POC5: variants seen among roughly 807,000 people sequenced by gnomAD.
POC5 encodes the protein centrosomal protein POC5.
Under a neutral mutation model 62.9 loss-of-function variants are expected in POC5, and 48 were observed. That is an observed-to-expected ratio of 0.76 (90% CI 0.61 to 0.97). POC5 has a LOEUF of 0.97. Ranked by LOEUF, POC5 falls within the 50% of genes least tolerant of loss-of-function variation. The probability of loss-of-function intolerance (pLI) is 0.00; values close to 1 mark genes in which losing one functional copy is unlikely to be tolerated. For missense variants in POC5, 696 were observed against 679.5 expected (o/e 1.02, Z -0.27); for synonymous variants, 236 against 228.2 (o/e 1.03, Z -0.31).
intron 1 of POC5, among the ~76,000 whole-genome samples, chr5:75,717,078 A>G (rs1394301070): frequency 1.3e-5 from 2 of 152,204 alleles, no homozygotes; most frequent in Non-Finnish European, 2.9e-5. Flanking sequence ...AAGTGACCGG[A>G]ACCTCTGATG....
intron 5 of POC5, among the ~76,000 whole-genome samples, chr5:75,699,080 C>T (rs894236924): frequency 1.4e-4 from 21 of 152,250 alleles, no homozygotes; most frequent in Non-Finnish European, 2.6e-4. Context: ...TAATCAATAG[C>T]TTACCAATGA....
intron 5 of POC5, among the ~76,000 whole-genome samples, chr5:75,700,251 G>C (rs1309572682): frequency 6.6e-6 from 1 of 151,796 alleles, no homozygotes; most frequent in Non-Finnish European, 1.5e-5. Context: ...AAAAGAGCCC[G>C]CATCACCAAG....
intron 8 of POC5, among the ~76,000 whole-genome samples, chr5:75,689,920 C>T: frequency 6.6e-6 from 1 of 152,116 alleles, no homozygotes; most frequent in Non-Finnish European, 1.5e-5. Context: ...GATTTCTGCT[C>T]TTGTTGCCTA....
At chr5:75,703,099 A>G (rs1238422390) in intron 4 of POC5, among the ~76,000 whole-genome samples, 1 of 152,208 alleles carries the variant, frequency 6.6e-6, no homozygotes, top group East Asian at 1.9e-4. Context: ...CTGAGGTGAA[A>G]CTATCATCAT....
At chr5:75,715,302 T>A in intron 1 of POC5, among the ~76,000 whole-genome samples, 1 of 111,586 alleles carries the variant, frequency 9.0e-6, no homozygotes, top group Admixed American at 1.1e-4. Context: ...AGAGTGAGAC[T>A]CCGTCTCAAA....
rs537966424 is a variant in POC5 at position 75,686,226 on chromosome 5, C to T, written c.1130-742G>A. Among the ~76,000 whole-genome samples, 9 of 152,240 alleles carry T rather than the reference C, an allele frequency of 5.9e-5. No homozygotes were observed. The South Asian group carries it at 1.0e-3, about 18-fold the overall frequency. ...GGTTTCTTCCAATTTTAGATGTTTTCGCTCCAGTATTATAATTTGGTTAGT... is the reference window on the plus strand; with the variant it reads ...GGTTTCTTCCAATTTTAGATGTTTTTGCTCCAGTATTATAATTTGGTTAGT... On this transcript the variant is annotated intron_variant, in intron 9 of 11. Transcript: ENST00000428202.
rs142132568 is a variant in POC5 at position 75,676,874 on chromosome 5, C to A, written c.1584+900G>T. Among the ~76,000 whole-genome samples the A allele has an allele frequency of 9.3e-4, 139 of 149,924 alleles. 1 individual carries two copies. In the Middle Eastern group the frequency reaches 0.014, roughly 15 times the overall value. ...TAAATAAATAAATAAATAAATAAAT[C>A]CTTGTTTTTCTTTAGGGATGTTCTT... On this transcript the variant is annotated intron_variant, in intron 11 of 11. Coordinates refer to ENST00000428202, the MANE Select transcript of POC5 (RefSeq NM_001099271.2).
chr5:75,715,309 C>CAAAAAAAAAAA (rs922297009), intron 1 of POC5, among the ~76,000 whole-genome samples: 1 of 59,322 alleles, frequency 1.7e-5, no homozygotes, highest in African/African-American at 6.2e-5. Flanking sequence ...GACTCCGTCT[C>CAAAAAAAAAAA]AAAAAAAAAA....
rs1214477022 is a variant in POC5 at position 75,691,693 on chromosome 5, A to C, written c.795+703T>G. ...CAGAGATTATTCCATAGCTCACATG[A>C]ATATACATGGAAAGCATATATATAT... On this transcript the variant is annotated intron_variant, in intron 7 of 11. Coordinates refer to ENST00000428202, the MANE Select transcript of POC5 (RefSeq NM_001099271.2). 4.7e-5 allele frequency among the ~76,000 whole-genome samples: 7 copies of C among 149,190 alleles called. No individual in the cohort carries two copies. In the East Asian group the frequency reaches 1.4e-3, roughly 29 times the overall value.
At chr5:75,698,621 A>T (rs1776717099) in intron 5 of POC5, among the ~76,000 whole-genome samples, 1 of 152,184 alleles carries the variant, frequency 6.6e-6, no homozygotes, top group Non-Finnish European at 1.5e-5. Context: ...AGGAGGAAAG[A>T]TCCAAAATTG....
intron 5 of POC5, among the ~76,000 whole-genome samples, chr5:75,699,844 T>C (rs1210062546): frequency 1.3e-5 from 2 of 148,798 alleles, no homozygotes; most frequent in East Asian, 2.0e-4. Context: ...AAAATCTCCT[T>C]AAGCTGATAA....
intron 5 of POC5, among the ~76,000 whole-genome samples, chr5:75,698,342 A>G (rs896549664): frequency 2.0e-5 from 3 of 151,932 alleles, no homozygotes; most frequent in African/African-American, 4.8e-5. Context: ...AGCAAATGTA[A>G]AAGAACAGAA....
chr5:75,707,842 C>T lies in POC5; in HGVS notation c.118G>A (p.Val40Met). The T allele has an allele frequency of 6.3e-7, 1 of 1,591,688 alleles. No individual in the cohort carries two copies. Among genetic ancestry groups the T allele is most frequent in the Non-Finnish European group, 8.6e-7 (1 of 1,165,772 alleles). The stretch of plus-strand genomic sequence containing the variant: ...GCACAGGGTTCAATATTTGGAGTCA[C>T]TATAGCATAATGAAGCAGTTCTTCA... The part of the protein sequence containing the change: ...EYEELLHYAI[V>M]TPNIEPCASQ... The change falls in exon 3 of 12, where the codon GTG (valine) becomes ATG (methionine). Residue 40 changes from valine to methionine, a missense_variant. Transcript: ENST00000428202.
intron 10 of POC5, among the ~76,000 whole-genome samples, chr5:75,682,517 CT>C (rs3041691): frequency 3.9e-4 from 52 of 134,660 alleles, no homozygotes; most frequent in Non-Finnish European, 5.0e-4. Flanking sequence ...TTATTTCTTT[CT>C]TTTTTTTTTT....
chr5:75,684,760 G>T (rs1020070042), intron 10 of POC5, among the ~76,000 whole-genome samples: 2 of 151,742 alleles, frequency 1.3e-5, no homozygotes, highest in Non-Finnish European at 2.9e-5. Flanking sequence ...TAATGCTCTA[G>T]TCACTTTGTG....
Position 75,700,818 on chromosome 5 carries a change from T to C in POC5, c.513+1787A>G, listed in dbSNP as rs1158310546. On this transcript the variant is annotated intron_variant, in intron 5 of 11. Transcript: ENST00000428202. ...CGGGAGAAAATTTTCACAACCTACT[T>C]ATCTGACAAAGGGCTAATATCCAGA... Among the ~76,000 whole-genome samples, 10 of 138,858 alleles carry C rather than the reference T, an allele frequency of 7.2e-5. No individual in the cohort carries two copies. The South Asian group carries it at 7.5e-4, about 10-fold the overall frequency. The allele number at this position is 138,858 out of a possible 152,430, so 91.1% of individuals were successfully genotyped here.
intron 3 of POC5, chr5:75,707,384 C>CT (rs34799101): frequency 0.036 from 6,468 of 178,778 alleles, 183 homozygotes; most frequent in Middle Eastern, 0.064. Flanking sequence ...GGGTTACCAT[C>CT]TTTAATTTTA....
At position 75,701,401 on chromosome 5, in the gene POC5, T is replaced by C. The variant is rs961298777; in HGVS notation, c.513+1204A>G. On this transcript the variant is annotated intron_variant, in intron 5 of 11. Transcript: ENST00000428202. The stretch of plus-strand genomic sequence containing the variant: ...AATACTATGCAGCCATAAAAAATGA[T>C]GAGTTCATGTCCTTTGTAGGGACAT... Among the ~76,000 whole-genome samples the C allele has an allele frequency of 1.0e-4, 13 of 130,114 alleles. 2 individuals are homozygous for C. Among genetic ancestry groups the C allele is most frequent in the Admixed American group, 7.9e-4 (10 of 12,608 alleles). 85.4% of individuals were successfully genotyped at this position (130,114 alleles called of 152,430 possible). A position where few individuals can be genotyped will look rare whatever the true frequency, so the allele number is the denominator to read the frequency against.
chr5:75,688,348 T>C (rs1019998547), intron 9 of POC5, among the ~76,000 whole-genome samples: 3 of 152,184 alleles, frequency 2.0e-5, no homozygotes, highest in Non-Finnish European at 4.4e-5. Flanking sequence ...AGGTTTATAT[T>C]ATCTCCTTCG....
Sources: allele counts gnomAD v4.1 joint callset (sites outside exome capture counted in the v4.1 genomes callset), GRCh38; gene constraint gnomAD v4.1.1; transcripts MANE v1.5; gene names NCBI Gene and HGNC (gene_info 2026-07-23, HGNC 2026-07-21).